CCNY: variants seen among roughly 807,000 people sequenced by gnomAD.
CCNY encodes the protein cyclin Y.
A neutral mutation model predicts 42.8 loss-of-function variants in CCNY; 19 were observed. The observed-to-expected ratio is 0.44, with a 90% CI of 0.31 to 0.65. CCNY has a LOEUF of 0.65. CCNY is among the 30% of genes least tolerant of loss of function. The probability of loss-of-function intolerance (pLI) is 0.07; values close to 1 mark genes in which losing one functional copy is unlikely to be tolerated. For missense variants in CCNY, 370 were observed against 437.3 expected (o/e 0.85, Z 1.37); for synonymous variants, 165 against 162.7 (o/e 1.01, Z -0.11).
At chr10:35,457,816 G>A (rs1253754456) in intron 1 of CCNY, among the ~76,000 whole-genome samples, 2 of 152,140 alleles carry the variant, frequency 1.3e-5, no homozygotes, top group Non-Finnish European at 1.5e-5. Context: ...ATCTGACCTC[G>A]TGATCCACCC....
At position 35,467,157 on chromosome 10, in the gene CCNY, G is replaced by A. The variant is rs377130356; in HGVS notation, c.155-16247G>A. On this transcript the variant is annotated intron_variant, in intron 1 of 9. Transcript: ENST00000374704. ...ATTGTATGTACAGATGAGTATATAC[G>A]TGAGTAGAATGTATTTCTATACATT... Among the ~76,000 whole-genome samples, 21 of 152,306 alleles carry A rather than the reference G, an allele frequency of 1.4e-4. 1 individual carries two copies. The South Asian group carries it at 3.5e-3, about 26-fold the overall frequency.
chr10:35,556,517 C>T (rs1841365532), intron 8 of CCNY, among the ~76,000 whole-genome samples: 2 of 152,148 alleles, frequency 1.3e-5, no homozygotes, highest in African/African-American at 2.4e-5. Context: ...ATGATTACCA[C>T]ACTATAAGAC....
intron 3 of CCNY, among the ~76,000 whole-genome samples, chr10:35,253,459 T>C (rs1321048098): frequency 2.8e-5 from 4 of 141,616 alleles, no homozygotes; most frequent in Non-Finnish European, 6.1e-5. Flanking sequence ...GATGGGTGTG[T>C]TGTGGGGGGA....
At chr10:35,485,727 A>AAAAAAAAAAAAC (rs1839772587) in intron 2 of CCNY, among the ~76,000 whole-genome samples, 2 of 141,882 alleles carry the variant, frequency 1.4e-5, no homozygotes, top group Non-Finnish European at 3.1e-5. Context: ...TCCGTCTCAA[A>AAAAAAAAAAAAC]AAAAAAAAAA....
At chr10:35,501,601 T>A in intron 3 of CCNY, 66 bp downstream of exon 3, 1 of 1,356,654 alleles carries the variant, frequency 7.4e-7, no homozygotes. Context: ...AAAATAACTG[T>A]CTGTGATGGA....
At chr10:35,546,217 A>G (rs1456163322) in intron 7 of CCNY, among the ~76,000 whole-genome samples, 1 of 152,252 alleles carries the variant, frequency 6.6e-6, no homozygotes. Context: ...GATTCAGACA[A>G]TTAACCGGCC....
intron 1 of CCNY, among the ~76,000 whole-genome samples, chr10:35,412,862 A>G (rs1352121229): frequency 1.5e-5 from 1 of 67,282 alleles, no homozygotes; most frequent in Non-Finnish European, 2.8e-5. Flanking sequence ...CTCTGTCTCA[A>G]AAAAAAAAAA....
rs1456593279 is a variant in CCNY at position 35,336,524 on chromosome 10, G to GCCGCA, written c.-525_-521dup. 2.0e-5 allele frequency: 3 copies of GCCGCA among 149,216 alleles called. No homozygotes were observed. The highest frequency in any genetic ancestry group is 3.0e-5 in the Non-Finnish European group (2 of 66,956). 9.2% of individuals were successfully genotyped at this position (149,216 alleles called of 1,614,324 possible). On this transcript the variant is annotated 5_prime_UTR_variant, in exon 1 of 10. Transcript: ENST00000374704. Reference sequence around the variant, plus strand: ...GGCCGCCAGCATCCTCCCTGGCCGCGCCGCACCGCGCCGCGAGGAGTCCGG... The same window carrying GCCGCA: ...GGCCGCCAGCATCCTCCCTGGCCGCGCCGCACCGCACCGCGCCGCGAGGAGTCCGG...
At chr10:35,269,269 ACTTCCTTC>A (rs68028146) in intron 3 of CCNY, among the ~76,000 whole-genome samples, 53,740 of 149,396 alleles carry the variant, frequency 0.36, 9,954 homozygotes, top group African/African-American at 0.45. Flanking sequence ...CAAATAATCT[ACTTCCTTC>A]CTTCCTTCCT....
At chr10:35,484,767 C>G (rs1422922203) in intron 2 of CCNY, among the ~76,000 whole-genome samples, 1 of 152,132 alleles carries the variant, frequency 6.6e-6, no homozygotes, top group Non-Finnish European at 1.5e-5. Flanking sequence ...AAACAAGAAA[C>G]AAAGCTGGCT....
chr10:35,257,281 TTCTTTCTCTCTC>T (rs984445167), intron 3 of CCNY, among the ~76,000 whole-genome samples: 14 of 149,822 alleles, frequency 9.3e-5, no homozygotes, highest in Admixed American at 4.0e-4. Flanking sequence ...TTTTTTTCCT[TTCTTTCTCTCTC>T]TCTTTCTCTC....
chr10:35,484,727 A>T (rs1285224713), intron 2 of CCNY, among the ~76,000 whole-genome samples: 1 of 152,230 alleles, frequency 6.6e-6, no homozygotes, highest in Non-Finnish European at 1.5e-5. Flanking sequence ...CACTGATAGT[A>T]CTATAAAAAC....
chr10:35,290,376 A>T (rs767953351), intron 3 of CCNY, among the ~76,000 whole-genome samples: 1 of 151,954 alleles, frequency 6.6e-6, no homozygotes, highest in Non-Finnish European at 1.5e-5. Flanking sequence ...AGATTGTGCC[A>T]CTGCACTCTA....
intron 1 of CCNY, among the ~76,000 whole-genome samples, chr10:35,470,790 T>C (rs903918303): frequency 6.6e-6 from 1 of 152,188 alleles, no homozygotes; most frequent in African/African-American, 2.4e-5. Context: ...GCTCCTGATT[T>C]CATCCTGTTG....
intron 4 of CCNY, among the ~76,000 whole-genome samples, chr10:35,517,634 G>A (rs1015742770): frequency 5.3e-5 from 8 of 152,168 alleles, no homozygotes; most frequent in African/African-American, 9.7e-5. Context: ...GGACAAGGCC[G>A]CTTGGGTAGA....
rs1020113046 is a variant in CCNY at position 35,571,914 on chromosome 10, C to A, written c.*2744C>A. On this transcript the variant is annotated 3_prime_UTR_variant, in exon 10 of 10. Transcript: ENST00000374704. The stretch of plus-strand genomic sequence containing the variant: ...TAAACAACAAATAAAGTCATTGGGA[C>A]AATAAATATATATCCCGATGAATCT... 4.0e-5 allele frequency: 6 copies of A among 151,630 alleles called. No individual in the cohort carries two copies. The highest frequency in any genetic ancestry group is 2.6e-4 in the Admixed American group (4 of 15,230). 9.4% of individuals were successfully genotyped at this position (151,630 alleles called of 1,614,324 possible). A position where few individuals can be genotyped will look rare whatever the true frequency, so the allele number is the denominator to read the frequency against.
intron 1 of CCNY, among the ~76,000 whole-genome samples, chr10:35,395,171 G>C (rs1837497002): frequency 6.6e-6 from 1 of 152,110 alleles, no homozygotes; most frequent in Admixed American, 6.5e-5. Flanking sequence ...CACTACCTGG[G>C]GTACTAACAG....
chr10:35,482,750 GT>G (rs1236596701), intron 1 of CCNY, among the ~76,000 whole-genome samples: 98 of 2,908 alleles, frequency 0.034, no homozygotes, highest in African/African-American at 0.17. Context: ...CTGGAAATAG[GT>G]GTGTGTGTGT....
intron 1 of CCNY, among the ~76,000 whole-genome samples, chr10:35,396,523 G>A (rs987876335): frequency 1.3e-5 from 2 of 152,196 alleles, no homozygotes; most frequent in Non-Finnish European, 2.9e-5. Flanking sequence ...AATGGGCCAG[G>A]GTGCCCCGAT....
Sources: gnomAD v4.1 joint callset for allele counts (sites outside exome capture counted in the v4.1 genomes callset) on GRCh38, gnomAD v4.1.1 for gene constraint, MANE v1.5 for transcripts, NCBI Gene and HGNC (gene_info 2026-07-23, HGNC 2026-07-21) for gene names.